Variants in AGBL4 observed in about 807,000 individuals in gnomAD.
The protein encoded by AGBL4 is AGBL carboxypeptidase 4, also known as cytosolic carboxypeptidase 6.
In AGBL4, 58 loss-of-function variants were observed where a neutral mutation model predicts 66.4. The ratio of observed to expected loss-of-function variants is 0.87; its 90% CI spans 0.71 to 1.09. The LOEUF (loss-of-function observed/expected upper bound fraction) is 1.09. AGBL4 is among the 50% of genes least tolerant of loss of function. The probability of loss-of-function intolerance (pLI) is 0.00; values close to 1 mark genes in which losing one functional copy is unlikely to be tolerated. For synonymous variants in AGBL4, 234 were observed against 222.9 expected (o/e 1.05, Z -0.44); for missense variants, 579 against 631.0 (o/e 0.92, Z 0.88).
At chr1:49,996,022 A>G (rs1660342385) in intron 1 of AGBL4, 2 of 152,366 alleles carry the variant, frequency 1.3e-5, no homozygotes, top group South Asian at 4.1e-4. Context: ...GGAGAGCACC[A>G]CATCAAAGGA....
At chr1:49,022,011 AAT>A (rs1663287773) in intron 5 of AGBL4, among the ~76,000 whole-genome samples, 1 of 152,216 alleles carries the variant, frequency 6.6e-6, no homozygotes, top group Non-Finnish European at 1.5e-5. Context: ...AAGATTGAGT[AAT>A]ATTCTGCTGA....
intron 5 of AGBL4, among the ~76,000 whole-genome samples, chr1:48,952,426 T>C (rs1024838224): frequency 6.6e-6 from 1 of 152,138 alleles, no homozygotes; most frequent in African/African-American, 2.4e-5. Context: ...AATGATATGA[T>C]AGTAAGTAGA....
At chr1:48,525,518 T>A in the AGBL4 span, among the ~76,000 whole-genome samples, 1 of 152,232 alleles carries the variant, frequency 6.6e-6, no homozygotes. Context: ...GGAAAATGTT[T>A]TTCAAAATAC....
intron 4 of AGBL4, among the ~76,000 whole-genome samples, chr1:49,094,940 A>C (rs1267645946): frequency 6.6e-6 from 1 of 152,236 alleles, no homozygotes; most frequent in East Asian, 1.9e-4. Flanking sequence ...AAACCCCATC[A>C]TCTCAGCCCA....
At chr1:48,921,243 C>A (rs1654049546) in intron 5 of AGBL4, among the ~76,000 whole-genome samples, 1 of 152,098 alleles carries the variant, frequency 6.6e-6, no homozygotes, top group South Asian at 2.1e-4. Context: ...TGTGAGGAAG[C>A]AGGGAGCTAT....
intron 3 of AGBL4, among the ~76,000 whole-genome samples, chr1:49,575,083 G>A (rs1644409556): frequency 6.6e-6 from 1 of 152,120 alleles, no homozygotes; most frequent in African/African-American, 2.4e-5. Flanking sequence ...CTTCCCCAAA[G>A]AGACCACTGG....
At chr1:49,761,446 A>C (rs751148677) in intron 2 of AGBL4, among the ~76,000 whole-genome samples, 4 of 152,180 alleles carry the variant, frequency 2.6e-5, no homozygotes, top group African/African-American at 9.7e-5. Context: ...AATCCAACAC[A>C]TTAAGGAACT....
intron 3 of AGBL4, among the ~76,000 whole-genome samples, chr1:49,259,015 G>A (rs1461780772): frequency 2.0e-4 from 31 of 152,106 alleles, no homozygotes; most frequent in Admixed American, 1.0e-3. Context: ...CATTCTTAAA[G>A]AAAATAATTT....
At chr1:49,068,748 T>C (rs1056328966) in intron 4 of AGBL4, among the ~76,000 whole-genome samples, 32 of 152,212 alleles carry the variant, frequency 2.1e-4, no homozygotes, top group African/African-American at 7.7e-4. Flanking sequence ...ATATACCCAG[T>C]AATGGGATGG....
At chr1:49,885,730 G>A (rs1647963476) in intron 1 of AGBL4, among the ~76,000 whole-genome samples, 1 of 151,954 alleles carries the variant, frequency 6.6e-6, no homozygotes, top group African/African-American at 2.4e-5. Flanking sequence ...CTCAATAAAA[G>A]AATAAGGATA....
chr1:48,754,795 T>G (rs1406447922), intron 6 of AGBL4, among the ~76,000 whole-genome samples: 1 of 151,624 alleles, frequency 6.6e-6, no homozygotes, highest in South Asian at 2.1e-4. Flanking sequence ...TTGTGGGGAG[T>G]AAAGGGGATG....
intron 4 of AGBL4, among the ~76,000 whole-genome samples, chr1:49,207,393 A>G (rs1648238588): frequency 6.6e-6 from 1 of 151,962 alleles, no homozygotes. Flanking sequence ...AAAACCACAC[A>G]GCTCTGTAGA....
At chr1:48,869,161 T>C (rs1462357064) in intron 5 of AGBL4, among the ~76,000 whole-genome samples, 4 of 152,196 alleles carry the variant, frequency 2.6e-5, no homozygotes, top group Non-Finnish European at 5.9e-5. Context: ...ACATACCTGT[T>C]TTCCTGCCAA....
At chr1:49,703,749 G>A (rs1474436734) in intron 2 of AGBL4, among the ~76,000 whole-genome samples, 1 of 151,826 alleles carries the variant, frequency 6.6e-6, no homozygotes, top group Admixed American at 6.6e-5. Flanking sequence ...AAGACATAAA[G>A]ATTAGGAAAG....
At chr1:49,470,999 G>A (rs978825147) in intron 3 of AGBL4, among the ~76,000 whole-genome samples, 1 of 152,006 alleles carries the variant, frequency 6.6e-6, no homozygotes, top group African/African-American at 2.4e-5. Context: ...CCCTGCCTTA[G>A]TTAAGATTTT....
At chr1:48,790,088 G>T (rs1645511052) in intron 6 of AGBL4, among the ~76,000 whole-genome samples, 1 of 152,182 alleles carries the variant, frequency 6.6e-6, no homozygotes, top group Non-Finnish European at 1.5e-5. Context: ...CTTACATTTG[G>T]CAAGAGGACT....
At chr1:50,002,615 C>G (rs1012787489) in intron 1 of AGBL4, among the ~76,000 whole-genome samples, 63 of 151,686 alleles carry the variant, frequency 4.2e-4, no homozygotes, top group African/African-American at 1.5e-3. Flanking sequence ...GTGATCCGCC[C>G]GCCTCGGCCT....
intron 4 of AGBL4, among the ~76,000 whole-genome samples, chr1:49,151,268 CAA>C (rs1206937422): frequency 1.6e-5 from 2 of 126,888 alleles, no homozygotes; most frequent in African/African-American, 6.0e-5. Flanking sequence ...GACTCCGTCT[CAA>C]AAAAAAAAAA....
intron 4 of AGBL4, among the ~76,000 whole-genome samples, chr1:49,209,382 C>T (rs1648489671): frequency 6.6e-6 from 1 of 152,086 alleles, no homozygotes; most frequent in Admixed American, 6.6e-5. Flanking sequence ...CTGTCAACAT[C>T]AAATTTACTA....
Sources: gnomAD v4.1 joint callset for allele counts (sites outside exome capture counted in the v4.1 genomes callset) on GRCh38, gnomAD v4.1.1 for gene constraint, MANE v1.5 for transcripts, NCBI Gene and HGNC (gene_info 2026-07-23, HGNC 2026-07-21) for gene names.